CCDC149: variants seen among roughly 807,000 people sequenced by gnomAD.
The protein encoded by CCDC149 is coiled-coil domain-containing protein 149.
A neutral mutation model predicts 59.9 loss-of-function variants in CCDC149; 45 were observed. The observed-to-expected ratio is 0.75, with a 90% confidence interval of 0.59 to 0.96. The LOEUF (loss-of-function observed/expected upper bound fraction) is 0.96, where lower values mean the gene tolerates loss of function less well. CCDC149 is among the 40% of genes least tolerant of loss of function. The pLI is 0.00. For synonymous variants in CCDC149, 245 were observed against 260.6 expected, an observed-to-expected ratio of 0.94 and a Z score of 0.58; for missense variants, 584 against 664.7, an observed-to-expected ratio of 0.88 and a Z score of 1.33.
intron 4 of CCDC149, among the ~76,000 whole-genome samples, chr4:24,849,994 G>C (rs569616705): frequency 2.6e-5 from 4 of 152,222 alleles, no homozygotes; most frequent in Non-Finnish European, 5.9e-5. Context: ...TCAAATACAT[G>C]TATCTGGGGT....
chr4:24,807,274 G>C lies in CCDC149; in HGVS notation c.*1115C>G, dbSNP rs979357166. ...AAAGGAAAGAACCAGCTAGAATTGA[G>C]CATGCCCTCCTTTCCCATCCCTGTA... On this transcript the variant is annotated 3_prime_UTR_variant, in exon 13 of 13. Coordinates refer to ENST00000635206, the MANE Select transcript of CCDC149 (RefSeq NM_001330643.2). 6.6e-6 allele frequency: 1 copy of C among 152,316 alleles called. No homozygotes were observed. The highest frequency in any genetic ancestry group is 2.4e-5 in the African/African-American group (1 of 41,534). The allele number at this position is 152,316 out of a possible 1,614,324, so 9.4% of individuals were successfully genotyped here.
chr4:24,834,484 T>C (rs1331470855), intron 8 of CCDC149, among the ~76,000 whole-genome samples: 1 of 152,184 alleles, frequency 6.6e-6, no homozygotes, highest in African/African-American at 2.4e-5. Context: ...TAGGAGACTT[T>C]TCTGATCGTA....
intron 12 of CCDC149, among the ~76,000 whole-genome samples, chr4:24,811,768 G>A (rs1304922263): frequency 1.3e-5 from 2 of 151,940 alleles, no homozygotes; most frequent in African/African-American, 4.8e-5. Flanking sequence ...AGCTACTCAG[G>A]AAGCTGAGGC....
chr4:24,871,098 G>A (rs973994869), intron 3 of CCDC149, among the ~76,000 whole-genome samples: 4 of 150,788 alleles, frequency 2.7e-5, no homozygotes, highest in Non-Finnish European at 5.9e-5. Flanking sequence ...AAAAGTCAAT[G>A]AGCATCACAG....
At position 24,817,531 on chromosome 4, in the gene CCDC149, GGGTCTTCTTACCCAGTGATAAGAAGT is replaced by G. The variant is rs764842609; in HGVS notation, c.1192+2302_1192+2327del. On this transcript the variant is annotated intron_variant, in intron 12 of 12. Coordinates refer to ENST00000635206, the MANE Select transcript of CCDC149 (RefSeq NM_001330643.2). ...GGCTCTCAAACCTGTTGGCTCATCT[GGGTCTTCTTACCCAGTGATAAGAAGT>G]GGTCTTCTTACCACTCCATGCACTA... 1.3e-3 allele frequency among the ~76,000 whole-genome samples: 205 copies of G among 152,078 alleles called. 4 individuals are homozygous for G. The East Asian group carries it at 0.026, about 19-fold the overall frequency.
chr4:24,809,449 G>C (rs1337828196), intron 12 of CCDC149, among the ~76,000 whole-genome samples: 1 of 152,236 alleles, frequency 6.6e-6, no homozygotes, highest in African/African-American at 2.4e-5. Flanking sequence ...ACATGGGAGA[G>C]AAGGGGGAGC....
intron 3 of CCDC149, among the ~76,000 whole-genome samples, chr4:24,853,541 T>C (rs907908115): frequency 1.3e-4 from 20 of 149,196 alleles, no homozygotes; most frequent in African/African-American, 4.0e-4. Context: ...TAAGCTGAGA[T>C]TGTGCCACTG....
intron 1 of CCDC149, among the ~76,000 whole-genome samples, chr4:24,903,648 C>T (rs776720897): frequency 1.3e-5 from 2 of 152,134 alleles, no homozygotes; most frequent in African/African-American, 2.4e-5. Context: ...TCTCAACAAG[C>T]TTACACAGTC....
chr4:24,805,229 C>T (rs1014765783), downstream of CCDC149, among the ~76,000 whole-genome samples: 10 of 152,198 alleles, frequency 6.6e-5, no homozygotes, highest in African/African-American at 2.4e-4. Context: ...TTTCTCCAGG[C>T]TGCTCTGCAT....
chr4:24,811,669 T>G (rs1378617772), intron 12 of CCDC149, among the ~76,000 whole-genome samples: 1 of 152,058 alleles, frequency 6.6e-6, no homozygotes, highest in Non-Finnish European at 1.5e-5. Context: ...GGTCAGGAGT[T>G]CAAGACCATT....
intron 1 of CCDC149, among the ~76,000 whole-genome samples, chr4:24,952,756 C>T (rs1263522992): frequency 6.7e-6 from 1 of 149,800 alleles, no homozygotes; most frequent in East Asian, 2.0e-4. Context: ...GTTGTGCAAC[C>T]ACCACCACCA....
chr4:24,914,392 A>C (rs1378322582), upstream of CCDC149, among the ~76,000 whole-genome samples: 2 of 151,768 alleles, frequency 1.3e-5, no homozygotes, highest in Middle Eastern at 3.2e-3. Context: ...CCAGAAAAAA[A>C]AAAAAAAAAA....
rs756996027 is a variant in CCDC149 at position 24,837,002 on chromosome 4, G to A, written c.662+226C>T. On this transcript the variant is annotated intron_variant, in intron 6 of 12. Coordinates refer to ENST00000635206, the MANE Select transcript of CCDC149 (RefSeq NM_001330643.2). This position sits in a 1 kb window ranked among gnomAD's most constrained non-coding sequence, Gnocchi z 4.3. The stretch of plus-strand genomic sequence containing the variant: ...TTCTCAACCTACCAAGGAAGGTGTA[G>A]GGAAAGAGAAGGGAGATGTGTGCAC... Among the ~76,000 whole-genome samples, 1 of 152,214 alleles carries A rather than the reference G, an allele frequency of 6.6e-6. No homozygotes were observed. The highest frequency in any genetic ancestry group is 6.5e-5 in the Admixed American group (1 of 15,292).
At chr4:24,919,653 C>G (rs2109335749) in intron 1 of CCDC149, among the ~76,000 whole-genome samples, 1 of 152,262 alleles carries the variant, frequency 6.6e-6, no homozygotes, top group East Asian at 1.9e-4. Context: ...AGCAATGACC[C>G]TCTCCAAGGT....
At chr4:24,906,364 AATTTTATTTTATTTT>A (rs1553859579) in intron 1 of CCDC149, among the ~76,000 whole-genome samples, 2 of 42,028 alleles carry the variant, frequency 4.8e-5, no homozygotes, top group African/African-American at 1.8e-4. Flanking sequence ...CAGCGGAACA[AATTTTATTTTATTTT>A]ATTTTATTTT....
In CCDC149 at chr4:24,975,806, C is replaced by T. The variant is rs564125853; in HGVS notation, c.-65+4263G>A. On this transcript the variant is annotated intron_variant, in intron 1 of 12. Transcript: ENST00000389609. ...AACCACAGATGTCTTCTCTGCCAAT[C>T]CCGCATCTGTCTTTGAATTTTGTAA... Among the ~76,000 whole-genome samples the T allele has an allele frequency of 5.4e-5, 7 of 129,688 alleles. No homozygotes were observed. The South Asian group carries it at 8.9e-4, about 16-fold the overall frequency. 85.1% of individuals were successfully genotyped at this position (129,688 alleles called of 152,430 possible).
intron 1 of CCDC149, among the ~76,000 whole-genome samples, chr4:24,958,645 A>G (rs1344103524): frequency 6.6e-6 from 1 of 152,240 alleles, no homozygotes; most frequent in Non-Finnish European, 1.5e-5. Flanking sequence ...AGGTAAAAAA[A>G]AATGCACTAT....
At chr4:24,804,188 T>G (rs1225980444), downstream of CCDC149, among the ~76,000 whole-genome samples, 4 of 152,072 alleles carry the variant, frequency 2.6e-5, no homozygotes, top group East Asian at 1.9e-4. Context: ...GGTACTCTCT[T>G]TTTCAAAAAG....
At chr4:24,962,227 C>G (rs1420181250) in intron 1 of CCDC149, among the ~76,000 whole-genome samples, 1 of 152,100 alleles carries the variant, frequency 6.6e-6, no homozygotes, top group African/African-American at 2.4e-5. Flanking sequence ...TCATCACTGG[C>G]CATCAGAGAA....
Sources: gnomAD v4.1 joint callset for allele counts (sites outside exome capture counted in the v4.1 genomes callset) on GRCh38, gnomAD v4.1.1 for gene constraint, Gnocchi (gnomAD v3.1) non-coding constraint, MANE v1.5 for transcripts, NCBI Gene and HGNC (gene_info 2026-07-23, HGNC 2026-07-21) for gene names.